Variants in NRXN2 observed in about 807,000 individuals in gnomAD.
NRXN2 encodes neurexin-2-beta.
In NRXN2, 29 loss-of-function variants were observed where a neutral mutation model predicts 128.8. The ratio of observed to expected loss-of-function variants is 0.23; its 90% CI spans 0.17 to 0.31. The LOEUF is 0.31. NRXN2 is among the 10% of genes least tolerant of loss of function. NRXN2 has a pLI of 1.00. For missense variants in NRXN2, 1,881 were observed against 2,452.6 expected, an observed-to-expected ratio of 0.77 and a Z score of 4.92; for synonymous variants, 1,098 against 1,075.2, an observed-to-expected ratio of 1.02 and a Z score of -0.41.
intron 9 of NRXN2, among the ~76,000 whole-genome samples, chr11:64,661,633 C>T (rs1349065061): frequency 6.6e-6 from 1 of 152,184 alleles, no homozygotes; most frequent in Non-Finnish European, 1.5e-5. Context: ...AGATGCCAGG[C>T]ACCTAGCACT....
chr11:64,659,514 A>G (rs1370491109), intron 11 of NRXN2: 2 of 152,500 alleles, frequency 1.3e-5, no homozygotes, highest in African/African-American at 2.4e-5. Flanking sequence ...GGGTGGAGAC[A>G]TGAGTCAGCA....
intron 17 of NRXN2, among the ~76,000 whole-genome samples, chr11:64,647,661 G>A (rs1425815597): frequency 6.6e-6 from 1 of 152,186 alleles, no homozygotes; most frequent in African/African-American, 2.4e-5. Flanking sequence ...GGAAGAAAGA[G>A]GAGCCCATTC....
intron 2 of NRXN2, among the ~76,000 whole-genome samples, chr11:64,705,505 C>T (rs72643568): frequency 0.12 from 17,908 of 151,774 alleles, 1,394 homozygotes; most frequent in East Asian, 0.3. Flanking sequence ...GCTGGGTCTG[C>T]GGCCACTACT....
intron 2 of NRXN2, among the ~76,000 whole-genome samples, chr11:64,699,696 A>T (rs2055060623): frequency 6.6e-6 from 1 of 152,154 alleles, no homozygotes; most frequent in Admixed American, 6.5e-5. Context: ...TACAGGCATG[A>T]GCCACAGTGC....
intron 20 of NRXN2, among the ~76,000 whole-genome samples, chr11:64,625,903 C>T (rs528842796): frequency 6.6e-6 from 1 of 152,304 alleles, no homozygotes; most frequent in South Asian, 2.1e-4. Flanking sequence ...CCAGAGATAG[C>T]AGCCCCACAG....
rs2047488666 is a variant in NRXN2 at position 64,651,774 on chromosome 11, G to C, written c.2537-138C>G. On this transcript the variant is annotated intron_variant, in intron 13 of 22. Transcript: ENST00000265459. This position sits in a 1 kb window ranked among gnomAD's most constrained non-coding sequence, Gnocchi z 5.9. ...AGATGTCCTCGGCTAGGCACTAGCA[G>C]CCAGCACAGCTCCAAGAGGAGTGGC... The C allele has an allele frequency of 9.6e-7, 1 of 1,044,588 alleles. No homozygotes were observed. The allele number at this position is 1,044,588 out of a possible 1,614,324, so 64.7% of individuals were successfully genotyped here. A position where few individuals can be genotyped will look rare whatever the true frequency, so the allele number is the denominator to read the frequency against.
rs1404641099 is a variant in NRXN2 at position 64,651,922 on chromosome 11, C to T, written c.2536+113G>A. 3 of 1,517,858 alleles carry T rather than the reference C, an allele frequency of 2.0e-6. No individual in the cohort carries two copies. The highest frequency in any genetic ancestry group is 2.7e-6 in the Non-Finnish European group (3 of 1,106,426). 94.0% of individuals were successfully genotyped at this position (1,517,858 alleles called of 1,614,324 possible). On this transcript the variant is annotated intron_variant, in intron 13 of 22. Coordinates refer to ENST00000265459, the MANE Select transcript of NRXN2 (RefSeq NM_015080.4). This position sits in a 1 kb window ranked among gnomAD's most constrained non-coding sequence, Gnocchi z 5.9. The stretch of plus-strand genomic sequence containing the variant: ...CCTGAAGGAGAAATGGCAGAGGCAG[C>T]TTGCCAGAACACTGCCCTAGGAATG...
rs1478841448 is a variant in NRXN2 at position 64,606,952 on chromosome 11, GC to G, written c.*243del. ...ACCCAGGGCTGTGAGCACGTGCCCTGCCTGGCAGGCGCAGAGCTGAGAGGGA... is the reference window on the plus strand; with the variant it reads ...ACCCAGGGCTGTGAGCACGTGCCCTGCTGGCAGGCGCAGAGCTGAGAGGGA... On this transcript the variant is annotated 3_prime_UTR_variant, in exon 23 of 23. Coordinates refer to ENST00000265459, the MANE Select transcript of NRXN2 (RefSeq NM_015080.4). 1.4e-5 allele frequency: 8 copies of G among 556,876 alleles called. No homozygotes were observed. The highest frequency in any genetic ancestry group is 2.2e-5 in the Non-Finnish European group (7 of 311,816). The allele number at this position is 556,876 out of a possible 1,614,324, so 34.5% of individuals were successfully genotyped here. A position where few individuals can be genotyped will look rare whatever the true frequency, so the allele number is the denominator to read the frequency against.
At chr11:64,709,741 G>A (rs569331046) in intron 2 of NRXN2, among the ~76,000 whole-genome samples, 1 of 152,068 alleles carries the variant, frequency 6.6e-6, no homozygotes, top group East Asian at 1.9e-4. Context: ...CAGATTAGGT[G>A]CTGGGAATAC....
At chr11:64,673,195 A>G (rs1214507749) in intron 7 of NRXN2, among the ~76,000 whole-genome samples, 1 of 152,212 alleles carries the variant, frequency 6.6e-6, no homozygotes, top group African/African-American at 2.4e-5. Flanking sequence ...TCAAGTTTAA[A>G]TGATATTCAA....
At chr11:64,721,941 C>T (rs921921085) in intron 1 of NRXN2, among the ~76,000 whole-genome samples, 9 of 152,060 alleles carry the variant, frequency 5.9e-5, no homozygotes, top group Non-Finnish European at 1.3e-4. Context: ...CCCTCCCAGC[C>T]CTTGCTAGCT....
intron 17 of NRXN2, among the ~76,000 whole-genome samples, chr11:64,645,123 C>T (rs2046440159): frequency 1.3e-5 from 2 of 152,164 alleles, no homozygotes; most frequent in African/African-American, 2.4e-5. Context: ...AGGGCTGGGG[C>T]CCCCAGAGGC....
At chr11:64,647,306 G>A (rs1259266093) in intron 17 of NRXN2, among the ~76,000 whole-genome samples, 3 of 151,836 alleles carry the variant, frequency 2.0e-5, no homozygotes, top group Non-Finnish European at 4.4e-5. Flanking sequence ...TCTCTCAGCA[G>A]GACCCCAGGG....
chr11:64,609,477 C>A (rs1012527584), intron 22 of NRXN2, among the ~76,000 whole-genome samples: 1 of 152,172 alleles, frequency 6.6e-6, no homozygotes, highest in Non-Finnish European at 1.5e-5. Flanking sequence ...TGGGTCTCCC[C>A]ATCTCTAGGT....
chr11:64,653,846 C>A (rs966498870), intron 11 of NRXN2, 124 bp from the exon 12 acceptor site: 2 of 703,648 alleles, frequency 2.8e-6, no homozygotes, highest in South Asian at 3.6e-5. Flanking sequence ...GGGCCACTTT[C>A]CGGGGACCAC....
chr11:64,670,794 T>C (rs1489745878), intron 7 of NRXN2, among the ~76,000 whole-genome samples: 1 of 152,070 alleles, frequency 6.6e-6, no homozygotes, highest in African/African-American at 2.4e-5. Context: ...TGACAGAAAC[T>C]CAAGTGCACT....
intron 1 of NRXN2, among the ~76,000 whole-genome samples, chr11:64,721,887 A>G (rs2135700177): frequency 6.6e-6 from 1 of 152,176 alleles, no homozygotes; most frequent in South Asian, 2.1e-4. Context: ...TCATTATTCC[A>G]GGTGGACAGC....
intron 17 of NRXN2, among the ~76,000 whole-genome samples, chr11:64,647,239 A>ATGTGTGTGTGCGTGCC (rs1171530692): frequency 1.2e-4 from 17 of 143,194 alleles, no homozygotes; most frequent in Non-Finnish European, 2.2e-4. Flanking sequence ...GTGTGTGTGC[A>ATGTGTGTGTGCGTGCC]TGTGTGTGTG....
In NRXN2 at chr11:64,622,150, G is replaced by A. The variant is rs556933414; in HGVS notation, c.4173+603C>T. On this transcript the variant is annotated intron_variant, in intron 21 of 22. Transcript: ENST00000265459. This position sits in a 1 kb window ranked among gnomAD's most constrained non-coding sequence, Gnocchi z 4.3. Reference sequence around the variant, plus strand: ...TGAAGCTGCCTGAGTTGTGGTGCCTGCTCATAGTCACATGGAGAGGGCTTG... The same window carrying A: ...TGAAGCTGCCTGAGTTGTGGTGCCTACTCATAGTCACATGGAGAGGGCTTG... 1.3e-5 allele frequency among the ~76,000 whole-genome samples: 2 copies of A among 152,226 alleles called. No homozygotes were observed. The highest frequency in any genetic ancestry group is 4.8e-5 in the African/African-American group (2 of 41,456).
Sources: allele counts gnomAD v4.1 joint callset (sites outside exome capture counted in the v4.1 genomes callset), GRCh38; gene constraint gnomAD v4.1.1; non-coding constraint Gnocchi (gnomAD v3.1); transcripts MANE v1.5; gene names NCBI Gene and HGNC (gene_info 2026-07-23, HGNC 2026-07-21).